Variants in ARHGEF7 observed in about 807,000 individuals in gnomAD.
ARHGEF7 encodes the protein PAK-interacting exchange factor beta.
In ARHGEF7, 33 loss-of-function variants were observed where a neutral mutation model predicts 109.8. That is an observed-to-expected ratio of 0.30 (90% CI 0.23 to 0.40). The LOEUF is 0.40. ARHGEF7 is among the 10% of genes least tolerant of loss of function. The pLI, the probability that ARHGEF7 is intolerant of heterozygous loss-of-function variation, is 1.00. For synonymous variants in ARHGEF7, 458 were observed against 424.6 expected, an observed-to-expected ratio of 1.08 and a Z score of -0.97; for missense variants, 938 against 1,098.5, an observed-to-expected ratio of 0.85 and a Z score of 2.07.
At chr13:111,263,947 T>G (rs2091361606) in intron 8 of ARHGEF7, among the ~76,000 whole-genome samples, 1 of 152,244 alleles carries the variant, frequency 6.6e-6, no homozygotes, top group Non-Finnish European at 1.5e-5. Context: ...TTTAATCTGT[T>G]CCCAGTGCCT....
chr13:111,201,158 G>C (rs74126735), intron 2 of ARHGEF7, among the ~76,000 whole-genome samples: 3 of 152,220 alleles, frequency 2.0e-5, no homozygotes, highest in African/African-American at 7.2e-5. Flanking sequence ...CCTTGTTCCT[G>C]TGGCTGAGGT....
chr13:111,194,415 T>G (rs898498121), intron 2 of ARHGEF7, among the ~76,000 whole-genome samples: 1 of 152,146 alleles, frequency 6.6e-6, no homozygotes, highest in Non-Finnish European at 1.5e-5. Flanking sequence ...AGTCCATAGT[T>G]GGCAAAACCC....
chr13:111,166,446 C>T (rs1337788984), intron 2 of ARHGEF7, among the ~76,000 whole-genome samples: 3 of 152,122 alleles, frequency 2.0e-5, no homozygotes, highest in Admixed American at 2.0e-4. Context: ...TGAGTATAGA[C>T]TGAAAGACTC....
intron 1 of ARHGEF7, chr13:111,144,417 C>T (rs1453740228): frequency 6.6e-6 from 1 of 152,200 alleles, no homozygotes; most frequent in East Asian, 1.9e-4. Flanking sequence ...CTTGGCATTT[C>T]TGCCTGTTGC....
chr13:111,153,530 C>A (rs1436653721), intron 1 of ARHGEF7: 2 of 768,808 alleles, frequency 2.6e-6, no homozygotes, highest in African/African-American at 3.8e-5. Context: ...CAGCACTGGG[C>A]CAGAGGAGGT....
chr13:111,232,369 C>T (rs1182639023), intron 5 of ARHGEF7, among the ~76,000 whole-genome samples: 1 of 152,102 alleles, frequency 6.6e-6, no homozygotes, highest in Non-Finnish European at 1.5e-5. Context: ...GAGACAGACC[C>T]ACCCGCACAG....
chr13:111,292,399 T>C, intron 19 of ARHGEF7, 105 bp downstream of exon 19: 1 of 1,543,942 alleles, frequency 6.5e-7, no homozygotes, highest in Non-Finnish European at 8.7e-7. Context: ...GATGTTTTCT[T>C]GCTGTTCCTT....
At position 111,239,128 on chromosome 13, in the gene ARHGEF7, C is replaced by A. The variant is rs1431818669; in HGVS notation, c.760-4744C>A. Among the ~76,000 whole-genome samples, 1 of 152,088 alleles carries A rather than the reference C, an allele frequency of 6.6e-6. No homozygotes were observed. The highest frequency in any genetic ancestry group is 1.5e-5 in the Non-Finnish European group (1 of 68,008). On this transcript the variant is annotated intron_variant, in intron 6 of 21. Transcript: ENST00000646102. The surrounding 1 kb of genome is among the most constrained non-coding windows in gnomAD (Gnocchi z 4.3). ...GGGGAACGCGCTGCGTGCCCCTGCT[C>A]CCCCACACCCCCGTGCCATGATTCA...
chr13:111,260,859 T>G (rs2091015194), intron 8 of ARHGEF7, among the ~76,000 whole-genome samples: 2 of 152,206 alleles, frequency 1.3e-5, no homozygotes. Flanking sequence ...AGTTAAAGTG[T>G]AGAGTTTTTA....
chr13:111,184,012 C>T (rs530725040), intron 2 of ARHGEF7, among the ~76,000 whole-genome samples: 8 of 152,086 alleles, frequency 5.3e-5, no homozygotes, highest in African/African-American at 1.4e-4. Context: ...TGACTCTGTC[C>T]CCACCCAAAT....
chr13:111,248,169 G>A (rs964932127), intron 8 of ARHGEF7, among the ~76,000 whole-genome samples: 1 of 151,764 alleles, frequency 6.6e-6, no homozygotes, highest in Non-Finnish European at 1.5e-5. Context: ...CATGGATACT[G>A]AACTCTGGGT....
intron 4 of ARHGEF7, among the ~76,000 whole-genome samples, chr13:111,216,105 G>A (rs993543372): frequency 6.6e-6 from 1 of 152,154 alleles, no homozygotes; most frequent in Admixed American, 6.5e-5. Context: ...TGGGGTTCAC[G>A]CAGGTTCCTG....
intron 6 of ARHGEF7, among the ~76,000 whole-genome samples, chr13:111,233,747 CG>C (rs1208589712): frequency 1.3e-5 from 2 of 152,096 alleles, no homozygotes; most frequent in African/African-American, 4.8e-5. Flanking sequence ...TATCACATGG[CG>C]TAGAATTAGG....
At chr13:111,123,006 A>G (rs1780948692) in intron 1 of ARHGEF7, among the ~76,000 whole-genome samples, 1 of 152,124 alleles carries the variant, frequency 6.6e-6, no homozygotes, top group South Asian at 2.1e-4. Context: ...CAGAGTGGAG[A>G]AGGGTTGGGG....
chr13:111,225,178 T>A lies in ARHGEF7; in HGVS notation c.670+7298T>A, dbSNP rs561573831. Among the ~76,000 whole-genome samples the A allele has an allele frequency of 1.2e-4, 18 of 152,358 alleles. 1 individual carries two copies. Among genetic ancestry groups the A allele is most frequent in the African/African-American group, 3.8e-4 (16 of 41,598 alleles). On this transcript the variant is annotated intron_variant, in intron 5 of 21. Transcript: ENST00000646102. ...TCTTCCGTTTCAGGAGCACGTCCCATAGACCAGCTGACTTAGAGTAATTAG... is the reference window on the plus strand; with the variant it reads ...TCTTCCGTTTCAGGAGCACGTCCCAAAGACCAGCTGACTTAGAGTAATTAG...
chr13:111,176,464 T>C (rs910067473), intron 2 of ARHGEF7, among the ~76,000 whole-genome samples: 30 of 152,214 alleles, frequency 2.0e-4, no homozygotes, highest in Non-Finnish European at 2.9e-5. Flanking sequence ...AACTTGTGTT[T>C]TGCTTCCTCC....
At chr13:111,127,194 G>A (rs1180799503) in intron 1 of ARHGEF7, among the ~76,000 whole-genome samples, 1 of 152,144 alleles carries the variant, frequency 6.6e-6, no homozygotes, top group African/African-American at 2.4e-5. Context: ...AAGACACGAA[G>A]CTCACTAAAG....
chr13:111,133,106 A>G (rs1291269775), intron 1 of ARHGEF7, among the ~76,000 whole-genome samples: 1 of 152,096 alleles, frequency 6.6e-6, no homozygotes. Flanking sequence ...ACATATACAT[A>G]CATGCTATCT....
intron 1 of ARHGEF7, among the ~76,000 whole-genome samples, chr13:111,135,366 A>C (rs1421764638): frequency 6.6e-6 from 1 of 152,150 alleles, no homozygotes; most frequent in Non-Finnish European, 1.5e-5. Context: ...TGGGGATGGC[A>C]TTGAATCTAT....
Sources: allele counts gnomAD v4.1 joint callset (sites outside exome capture counted in the v4.1 genomes callset), GRCh38; gene constraint gnomAD v4.1.1; non-coding constraint Gnocchi (gnomAD v3.1); transcripts MANE v1.5; gene names NCBI Gene and HGNC (gene_info 2026-07-23, HGNC 2026-07-21).